Variants in TSHZ3 observed in about 807,000 individuals in gnomAD.
TSHZ3 encodes the protein teashirt zinc finger homeobox 3.
A neutral mutation model predicts 64.5 loss-of-function variants in TSHZ3; 10 were observed. That is an observed-to-expected ratio of 0.16 (90% confidence interval 0.10 to 0.26). The LOEUF (loss-of-function observed/expected upper bound fraction) is 0.26, where lower values mean the gene tolerates loss of function less well. Ranked by LOEUF, TSHZ3 falls within the 10% of genes least tolerant of loss-of-function variation. TSHZ3 has a pLI of 1.00. For synonymous variants in TSHZ3, 608 were observed against 593.1 expected (o/e 1.03, Z -0.36); for missense variants, 1,242 against 1,421.7 (o/e 0.87, Z 2.03).
intron 1 of TSHZ3, among the ~76,000 whole-genome samples, chr19:31,249,996 G>A (rs1975815497): frequency 1.3e-5 from 2 of 152,178 alleles, no homozygotes; most frequent in South Asian, 4.1e-4. Context: ...ACTCAGAGAG[G>A]GACATGAGCT....
intron 1 of TSHZ3, among the ~76,000 whole-genome samples, chr19:31,268,299 C>A (rs73927328): frequency 0.014 from 2,186 of 152,222 alleles, 58 homozygotes; most frequent in African/African-American, 0.05. Flanking sequence ...TCCCTGGGAC[C>A]ACCCACTGGT....
At chr19:31,159,929 C>T (rs946070730) in intron 5 of TSHZ3, among the ~76,000 whole-genome samples, 14 of 152,228 alleles carry the variant, frequency 9.2e-5, no homozygotes, top group African/African-American at 3.1e-4. Flanking sequence ...TGACCTCAAG[C>T]AATCCTTCTG....
chr19:31,301,425 A>G (rs1599635487), intron 1 of TSHZ3, among the ~76,000 whole-genome samples: 2 of 152,230 alleles, frequency 1.3e-5, no homozygotes, highest in South Asian at 2.1e-4. Context: ...ATTAAAACTT[A>G]GATGACATCT....
intron 1 of TSHZ3, among the ~76,000 whole-genome samples, chr19:31,306,245 G>A (rs1475127310): frequency 6.6e-6 from 1 of 152,156 alleles, no homozygotes; most frequent in Non-Finnish European, 1.5e-5. Context: ...GCGGCGGGCT[G>A]GGCTGCGAGC....
intron 1 of TSHZ3, among the ~76,000 whole-genome samples, chr19:31,256,058 T>C (rs554226417): frequency 1.3e-5 from 2 of 152,122 alleles, no homozygotes; most frequent in Admixed American, 1.3e-4. Flanking sequence ...GCATGGTCAT[T>C]CTTCATCAAC....
chr19:31,203,854 C>T (rs1975123244), intron 5 of TSHZ3, among the ~76,000 whole-genome samples: 1 of 151,708 alleles, frequency 6.6e-6, no homozygotes, highest in African/African-American at 2.4e-5. Context: ...TTCCTTCTTC[C>T]CTCCTGTATT....
At chr19:31,202,565 A>T (rs554178388) in intron 5 of TSHZ3, among the ~76,000 whole-genome samples, 1 of 152,306 alleles carries the variant, frequency 6.6e-6, no homozygotes, top group Admixed American at 6.5e-5. Context: ...CCCAATCATT[A>T]TTGGGTAGTT....
intron 1 of TSHZ3, among the ~76,000 whole-genome samples, chr19:31,346,109 T>C (rs915717160): frequency 2.0e-5 from 3 of 152,166 alleles, no homozygotes; most frequent in African/African-American, 7.2e-5. Context: ...TACAGAAATA[T>C]GTATTTTCAG....
At chr19:31,322,072 C>G (rs1037313739) in intron 1 of TSHZ3, among the ~76,000 whole-genome samples, 1 of 152,156 alleles carries the variant, frequency 6.6e-6, no homozygotes, top group Non-Finnish European at 1.5e-5. Flanking sequence ...TGAGTGAGAA[C>G]ACGCAGTGTT....
Position 31,279,280 on chromosome 19 carries a change from G to T in TSHZ3, c.513C>A (p.Ala171=). ...ACACCTGCTGCAGCGTCTTAGCCATGGCGCTCTGGTGCCAGTCGAAGCTCC... is the reference window on the plus strand; with the variant it reads ...ACACCTGCTGCAGCGTCTTAGCCATTGCGCTCTGGTGCCAGTCGAAGCTCC... ...GSGSFDWHQS[A]MAKTLQQVSQ... Residue 171 remains alanine, a synonymous_variant, in exon 2 of 2, where the codon GCC becomes GCA. Transcript: ENST00000240587. This position sits in a 1 kb window ranked among gnomAD's most constrained non-coding sequence, Gnocchi z 6.4. The T allele has an allele frequency of 6.2e-7, 1 of 1,614,048 alleles. No homozygotes were observed. The highest frequency in any genetic ancestry group is 8.5e-7 in the Non-Finnish European group (1 of 1,179,978).
chr19:31,247,160 C>T lies in TSHZ3; in HGVS notation n.64-4285G>A, dbSNP rs189040270. On this transcript the variant is annotated intron_variant and non_coding_transcript_variant, in intron 1 of 6. Coordinates refer to the TSHZ3 transcript ENST00000651361. Reference sequence around the variant, plus strand: ...CATCATCCTTGAATCAAACAAGAATCGTCAACGGATATTAAAACTACTGAA... The same window carrying T: ...CATCATCCTTGAATCAAACAAGAATTGTCAACGGATATTAAAACTACTGAA... Among the ~76,000 whole-genome samples the T allele has an allele frequency of 1.7e-4, 26 of 152,180 alleles. No individual in the cohort carries two copies. In the East Asian group the frequency reaches 4.6e-3, roughly 27 times the overall value.
At position 31,276,569 on chromosome 19, in the gene TSHZ3, A is replaced by G. The variant is rs1218976220; in HGVS notation, c.3224T>C (p.Val1075Ala). The G allele has an allele frequency of 6.4e-7, 1 of 1,568,944 alleles. No homozygotes were observed. Among genetic ancestry groups the G allele is most frequent in the Non-Finnish European group, 8.7e-7 (1 of 1,153,636 alleles). The change falls in exon 2 of 2, where the codon GTC (valine) becomes GCC (alanine). Residue 1075 changes from valine (V) to alanine (A), a missense_variant. Physicochemically the swap from Val to Ala is moderately conservative, Grantham distance 64. Around this residue, in one of 4 missense-constraint regions of TSHZ3, gnomAD observed 126 missense variants for 140.6 expected, o/e 0.90. Coordinates refer to ENST00000240587, the MANE Select transcript of TSHZ3 (RefSeq NM_020856.4). ...GKSPEDHLLY[V>A]SELEKQ Reference sequence around the variant, plus strand: ...ATGCTACTGCTTCTCTAACTCAGAGACATACAGAAGGTGGTCTTCCGGAGA... The same window carrying G: ...ATGCTACTGCTTCTCTAACTCAGAGGCATACAGAAGGTGGTCTTCCGGAGA...
At position 31,278,339 on chromosome 19, in the gene TSHZ3, G is replaced by T. The variant is rs1288998996; in HGVS notation, c.1454C>A (p.Pro485His). 1 of 1,614,182 alleles carries T rather than the reference G, an allele frequency of 6.2e-7. No homozygotes were observed. The highest frequency in any genetic ancestry group is 8.5e-7 in the Non-Finnish European group (1 of 1,180,044). Residue 485 changes from proline (P) to histidine (H), a missense_variant, in exon 2 of 2, where the codon CCT becomes CAT. Around this residue, in one of 4 missense-constraint regions of TSHZ3, gnomAD observed 555 missense variants for 704.0 expected, o/e 0.79. Transcript: ENST00000240587. The surrounding 1 kb of genome is among the most constrained non-coding windows in gnomAD (Gnocchi z 4.7). Reference protein sequence around the residue: ...DKEKAVTDEKPKQKDKPGEEE... With the variant: ...DKEKAVTDEKHKQKDKPGEEE... ...TTCGCCAGGCTTGTCTTTTTGCTTAGGTTTCTCGTCAGTGACCGCTTTCTC... is the reference window on the plus strand; with the variant it reads ...TTCGCCAGGCTTGTCTTTTTGCTTATGTTTCTCGTCAGTGACCGCTTTCTC...
intron 5 of TSHZ3, among the ~76,000 whole-genome samples, chr19:31,170,752 C>A (rs1166198806): frequency 6.6e-6 from 1 of 152,204 alleles, no homozygotes; most frequent in Non-Finnish European, 1.5e-5. Context: ...TGCTTTAAAA[C>A]AAAGTAAATA....
intron 1 of TSHZ3, among the ~76,000 whole-genome samples, chr19:31,318,204 C>T (rs1324602238): frequency 6.6e-6 from 1 of 152,056 alleles, no homozygotes; most frequent in East Asian, 1.9e-4. Context: ...TATTGAATTG[C>T]TTATTCATTC....
chr19:31,234,375 A>AT (rs1267677743), intron 3 of TSHZ3, among the ~76,000 whole-genome samples: 1 of 151,708 alleles, frequency 6.6e-6, no homozygotes, highest in Non-Finnish European at 1.5e-5. Context: ...TTGTTTATTT[A>AT]TTTTGCCTTA....
In TSHZ3 at chr19:31,226,414, T is replaced by C. The variant is rs140346760; in HGVS notation, n.686+1591A>G. Among the ~76,000 whole-genome samples, 780 of 152,252 alleles carry C rather than the reference T, an allele frequency of 5.1e-3. 6 individuals are homozygous for C. The highest frequency in any genetic ancestry group is 6.5e-3 in the Non-Finnish European group (444 of 68,018). On this transcript the variant is annotated intron_variant and non_coding_transcript_variant, in intron 4 of 6. Coordinates refer to the TSHZ3 transcript ENST00000651361. Reference sequence around the variant, plus strand: ...AGATCTGATTGTTTCATAAGGGGTTTCCTCTTTTGCTTGGTTCTCATTTTC... The same window carrying C: ...AGATCTGATTGTTTCATAAGGGGTTCCCTCTTTTGCTTGGTTCTCATTTTC...
chr19:31,212,135 G>C (rs1975265245), intron 4 of TSHZ3, among the ~76,000 whole-genome samples: 2 of 151,732 alleles, frequency 1.3e-5, no homozygotes, highest in South Asian at 4.2e-4. Flanking sequence ...CACATATTGA[G>C]TTAGTGTAAT....
At chr19:31,272,078 T>C (rs4805662), downstream of TSHZ3, among the ~76,000 whole-genome samples, 1 of 151,708 alleles carries the variant, frequency 6.6e-6, no homozygotes, top group Non-Finnish European at 1.5e-5. Context: ...TTTAAAAAAA[T>C]TTTTTTTATT....
Sources: allele counts gnomAD v4.1 joint callset (sites outside exome capture counted in the v4.1 genomes callset), GRCh38; gene constraint gnomAD v4.1.1; regional missense constraint gnomAD v4.1.1; non-coding constraint Gnocchi (gnomAD v3.1); transcripts MANE v1.5; gene names NCBI Gene and HGNC (gene_info 2026-07-23, HGNC 2026-07-21).